COLEC10: variants seen among roughly 807,000 people sequenced by gnomAD.
COLEC10 encodes collectin subfamily member 10, also known as collectin-10.
In COLEC10, 22 loss-of-function variants were observed where a neutral mutation model predicts 28.4. That is an observed-to-expected ratio of 0.78 (90% CI 0.55 to 1.11). The LOEUF (loss-of-function observed/expected upper bound fraction) is 1.11, where lower values mean the gene tolerates loss of function less well. COLEC10 is among the 50% of genes least tolerant of loss of function. The pLI is 0.00. For synonymous variants in COLEC10, 125 were observed against 116.1 expected (o/e 1.08, Z -0.49); for missense variants, 361 against 344.1 (o/e 1.05, Z -0.39).
Position 119,049,401 on chromosome 8 carries a change from C to CTTTTTTTTTTTTT in COLEC10, n.235+39867_235+39879dup, listed in dbSNP as rs34885340. Among the ~76,000 whole-genome samples, 16 of 60,074 alleles carry CTTTTTTTTTTTTT rather than the reference C, an allele frequency of 2.7e-4. 2 individuals carry two copies. The highest frequency in any genetic ancestry group is 6.6e-4 in the African/African-American group (9 of 13,638). The allele number at this position is 60,074 out of a possible 152,430, so 39.4% of individuals were successfully genotyped here. ...TGATGAAGCATAGGTATTTTCTTTTCTTTTTTTTTTTTTTTTTTTTTTTTT... is the reference window on the plus strand; with the variant it reads ...TGATGAAGCATAGGTATTTTCTTTTCTTTTTTTTTTTTTTTTTTTTTTTTTTTTTTTTTTTTTT... On this transcript the variant is annotated intron_variant and non_coding_transcript_variant, in intron 2 of 6. Transcript: ENST00000521788.
chr8:119,074,034 G>A (rs779594438), intron 1 of COLEC10, among the ~76,000 whole-genome samples: 1 of 151,460 alleles, frequency 6.6e-6, no homozygotes, highest in Non-Finnish European at 1.5e-5. Flanking sequence ...TTGAATCTGA[G>A]CTCTGCCACT....
chr8:118,981,826 T>G, the COLEC10 span, among the ~76,000 whole-genome samples: 1 of 152,138 alleles, frequency 6.6e-6, no homozygotes, highest in Non-Finnish European at 1.5e-5. Flanking sequence ...CATTTAAGAT[T>G]GATTAAACCC....
chr8:119,088,364 T>C (rs1379951281), intron 1 of COLEC10, among the ~76,000 whole-genome samples: 2 of 152,170 alleles, frequency 1.3e-5, no homozygotes, highest in Non-Finnish European at 2.9e-5. Flanking sequence ...ATCTATAGCT[T>C]CCCTTGTAAA....
intron 2 of COLEC10, among the ~76,000 whole-genome samples, chr8:119,011,528 T>C (rs1340372066): frequency 1.3e-5 from 2 of 150,812 alleles, no homozygotes; most frequent in Admixed American, 1.3e-4. Context: ...TGGGATTTGA[T>C]TGAGATTGGA....
chr8:118,983,159 C>T, the COLEC10 span, among the ~76,000 whole-genome samples: 4 of 152,118 alleles, frequency 2.6e-5, no homozygotes, highest in African/African-American at 9.7e-5. Context: ...GAGTGAGATC[C>T]TTTTGATTTT....
At chr8:119,062,003 C>T (rs936339590) in intron 2 of COLEC10, among the ~76,000 whole-genome samples, 6 of 151,978 alleles carry the variant, frequency 3.9e-5, no homozygotes, top group African/African-American at 1.4e-4. Flanking sequence ...ACATAGAAAG[C>T]TATGCAAAAA....
At chr8:119,099,951 C>G (rs1264617356) in intron 3 of COLEC10, among the ~76,000 whole-genome samples, 1 of 152,076 alleles carries the variant, frequency 6.6e-6, no homozygotes, top group African/African-American at 2.4e-5. Flanking sequence ...TAAAGCTTAG[C>G]CCAGAACTAG....
At chr8:119,075,927 GT>G (rs2130244225) in intron 1 of COLEC10, among the ~76,000 whole-genome samples, 1 of 111,756 alleles carries the variant, frequency 8.9e-6, no homozygotes, top group South Asian at 3.1e-4. Context: ...GTGAGACAGA[GT>G]CTCGCTCTGT....
intron 5 of COLEC10, among the ~76,000 whole-genome samples, 195 bp from the exon 6 acceptor site, chr8:119,105,605 C>G (rs1815920929): frequency 6.6e-6 from 1 of 152,022 alleles, no homozygotes; most frequent in Admixed American, 6.6e-5. Context: ...GAAGGGAGAA[C>G]AAACGGTAGA....
intron 1 of COLEC10, among the ~76,000 whole-genome samples, chr8:119,069,620 A>AT (rs1815051762): frequency 1.4e-5 from 1 of 72,760 alleles, no homozygotes; most frequent in Non-Finnish European, 2.5e-5. Context: ...AAAAAAAAAA[A>AT]AAAAAAAAAA....
In COLEC10 at chr8:119,007,407, G is replaced by A. The variant is rs568028796; in HGVS notation, n.123-2034G>A. 7.8e-4 allele frequency among the ~76,000 whole-genome samples: 113 copies of A among 144,498 alleles called. 8 individuals are homozygous for A. Among genetic ancestry groups the A allele is most frequent in the African/African-American group, 3.3e-3 (112 of 34,302 alleles). 94.8% of individuals were successfully genotyped at this position (144,498 alleles called of 152,430 possible). On this transcript the variant is annotated intron_variant and non_coding_transcript_variant, in intron 1 of 6. Transcript: ENST00000521788. ...CACTACATGACAAATTTACTGATTG[G>A]ATAGACGGATAGGGAAGGTTCTTCT...
intron 2 of COLEC10, among the ~76,000 whole-genome samples, chr8:119,010,961 C>T (rs1452667108): frequency 1.3e-5 from 2 of 150,858 alleles, no homozygotes; most frequent in Non-Finnish European, 2.9e-5. Context: ...AATTCTCTTG[C>T]TAGTGTCTTT....
chr8:119,024,257 C>T (rs1814148685), intron 2 of COLEC10, among the ~76,000 whole-genome samples: 4 of 151,986 alleles, frequency 2.6e-5, no homozygotes, highest in Admixed American at 2.0e-4. Context: ...TTGAGGCCTT[C>T]GCTCTTGCCG....
chr8:119,050,500 C>T (rs936820000), intron 2 of COLEC10, among the ~76,000 whole-genome samples: 1 of 152,178 alleles, frequency 6.6e-6, no homozygotes, highest in Non-Finnish European at 1.5e-5. Flanking sequence ...AGCATATACA[C>T]ACTTATAGTC....
chr8:119,073,427 ACTAT>A (rs1815163571), intron 1 of COLEC10, among the ~76,000 whole-genome samples: 1 of 152,228 alleles, frequency 6.6e-6, no homozygotes, highest in African/African-American at 2.4e-5. Flanking sequence ...TTTTCTGGTA[ACTAT>A]CAGAAAGGGT....
At chr8:119,068,980 T>C (rs1288264298) in intron 1 of COLEC10, among the ~76,000 whole-genome samples, 1 of 151,836 alleles carries the variant, frequency 6.6e-6, no homozygotes, top group Non-Finnish European at 1.5e-5. Context: ...CTTAATAAAA[T>C]TTAATAAATT....
At chr8:119,087,463 C>T (rs1251659298) in intron 1 of COLEC10, among the ~76,000 whole-genome samples, 1 of 152,148 alleles carries the variant, frequency 6.6e-6, no homozygotes, top group African/African-American at 2.4e-5. Flanking sequence ...TAATTTTTGT[C>T]TATTCTATGA....
intron 1 of COLEC10, chr8:119,067,876 T>C (rs1385498): frequency 0.44 from 67,651 of 152,516 alleles, 15,287 homozygotes; most frequent in East Asian, 0.62. Context: ...AATATATATT[T>C]CATAAGTTAA....
upstream of COLEC10, among the ~76,000 whole-genome samples, chr8:119,066,918 C>A (rs1814975208): frequency 6.6e-6 from 1 of 152,162 alleles, no homozygotes; most frequent in Admixed American, 6.5e-5. Flanking sequence ...TGGTTCACAA[C>A]CTTTCTGAAA....
Sources: allele counts gnomAD v4.1 joint callset (sites outside exome capture counted in the v4.1 genomes callset), GRCh38; gene constraint gnomAD v4.1.1; transcripts MANE v1.5; gene names NCBI Gene and HGNC (gene_info 2026-07-23, HGNC 2026-07-21).